Variants in EARS2 observed in about 807,000 individuals in gnomAD.
EARS2 encodes the protein nondiscriminating glutamyl-tRNA synthetase EARS2, mitochondrial.
Under a neutral mutation model 54.1 loss-of-function variants are expected in EARS2, and 50 were observed. That is an observed-to-expected ratio of 0.92 (90% CI 0.74 to 1.17). EARS2 has a LOEUF of 1.17. Among genes scored for constraint, EARS2 ranks in the 50% most tolerant of loss-of-function variants. The pLI, the probability that EARS2 is intolerant of heterozygous loss-of-function variation, is 0.00. For missense variants in EARS2, 673 were observed against 675.0 expected (o/e 1.00, Z 0.03); for synonymous variants, 298 against 281.0 (o/e 1.06, Z -0.61).
At position 23,521,969 on chromosome 16, in the gene EARS2, C is replaced by T. The variant is rs1462512178; in HGVS notation, c.*2402G>A. 8.1e-6 allele frequency: 3 copies of T among 372,562 alleles called. No homozygotes were observed. The highest frequency in any genetic ancestry group is 6.4e-5 in the African/African-American group (3 of 46,992). The allele number at this position is 372,562 out of a possible 1,614,324, so 23.1% of individuals were successfully genotyped here. A position where few individuals can be genotyped will look rare whatever the true frequency, so the allele number is the denominator to read the frequency against. On this transcript the variant is annotated 3_prime_UTR_variant, in exon 9 of 9. Coordinates refer to ENST00000449606, the MANE Select transcript of EARS2 (RefSeq NM_001083614.2). ...GAAGTTTTAGTTAACTTTTCAGAAC[C>T]TCGGTTTCCATATCTGTAACAGAAA...
intron 3 of EARS2, among the ~76,000 whole-genome samples, chr16:23,542,443 G>A (rs1019164896): frequency 7.1e-6 from 1 of 140,280 alleles, no homozygotes; most frequent in South Asian, 2.4e-4. Context: ...TCAGCCTCCC[G>A]AGCAGCTGGG....
intron 1 of EARS2, 200 bp downstream of exon 1, chr16:23,557,005 A>T: frequency 1.2e-6 from 1 of 834,462 alleles, no homozygotes; most frequent in Non-Finnish European, 1.9e-6. Flanking sequence ...TGGCACAAAA[A>T]ACACAAGAAA....
chr16:23,552,276 A>G lies in EARS2; in HGVS notation c.168T>C (p.Thr56=). The part of the protein sequence containing the change: ...TGFLHLGGLR[T]ALYNYIFAKK... ...TAGCAAAGATGTAGTTGTACAAGGCAGTGCGGAGGCCACCCAGGTGCAAGA... is the reference window on the plus strand; with the variant it reads ...TAGCAAAGATGTAGTTGTACAAGGCGGTGCGGAGGCCACCCAGGTGCAAGA... Residue 56 remains threonine, a synonymous_variant, in exon 2 of 9, where the codon ACT becomes ACC. Coordinates refer to ENST00000449606, the MANE Select transcript of EARS2 (RefSeq NM_001083614.2). 6.2e-7 allele frequency: 1 copy of G among 1,614,170 alleles called. No homozygotes were observed. The highest frequency in any genetic ancestry group is 8.5e-7 in the Non-Finnish European group (1 of 1,179,980).
chr16:23,555,892 C>T (rs556811842), intron 1 of EARS2, among the ~76,000 whole-genome samples: 12 of 152,220 alleles, frequency 7.9e-5, no homozygotes, highest in South Asian at 2.1e-4. Context: ...ATTGGCCAGG[C>T]GAAACTTACA....
upstream of EARS2, chr16:23,557,370 T>G (rs1261940868): frequency 6.5e-7 from 1 of 1,536,542 alleles, no homozygotes; most frequent in East Asian, 2.4e-5. Context: ...CACGTGGGCT[T>G]CTCCCTGCGT....
In EARS2 at chr16:23,557,276, C is replaced by A. The variant is rs745393999; in HGVS notation, c.68G>T (p.Gly23Val). The A allele has an allele frequency of 2.0e-6, 3 of 1,521,156 alleles. No homozygotes were observed. Among genetic ancestry groups the A allele is most frequent in the Non-Finnish European group, 1.7e-6 (2 of 1,145,840 alleles). The allele number at this position is 1,521,156 out of a possible 1,614,324, so 94.2% of individuals were successfully genotyped here. A position where few individuals can be genotyped will look rare whatever the true frequency, so the allele number is the denominator to read the frequency against. Reference protein sequence around the residue: ...RPSAASGRPVGRREANLGTDA... With the variant: ...RPSAASGRPVVRREANLGTDA... ...AGTGCCCAGGTTGGCCTCGCGCCGT[C>A]CTACGGGGCGGCCAGAGGCCGCCGA... The change falls in exon 1 of 9, where the codon GGA becomes GTA. Residue 23 changes from glycine to valine, a missense_variant. By Grantham distance (109) the Gly-to-Val change is moderately radical (BLOSUM62 -3). Transcript: ENST00000449606.
chr16:23,531,312 G>A (rs8048755), intron 5 of EARS2, among the ~76,000 whole-genome samples: 124,111 of 151,238 alleles, frequency 0.82, 51,008 homozygotes, highest in Middle Eastern at 0.89. Flanking sequence ...CCAGGCTGGA[G>A]TGCAGTGGAG....
At chr16:23,530,481 CCTCA>C (rs1399129559) in intron 5 of EARS2, among the ~76,000 whole-genome samples, 43 of 152,026 alleles carry the variant, frequency 2.8e-4, no homozygotes, top group Non-Finnish European at 5.7e-4. Flanking sequence ...TGAGACGGAG[CCTCA>C]CTGTGTCACC....
chr16:23,530,189 G>A lies in EARS2; in HGVS notation c.1068-292C>T, dbSNP rs1481402076. Among the ~76,000 whole-genome samples, 5 of 152,094 alleles carry A rather than the reference G, an allele frequency of 3.3e-5. No individual in the cohort carries two copies. The East Asian group carries it at 7.7e-4, about 23-fold the overall frequency. ...TGCCCAGGTTGGAGTGCAGTACCAC[G>A]ATCATGGCTCACTACAGCCTAGACC... is the stretch of plus-strand genomic sequence containing the variant. On this transcript the variant is annotated intron_variant, in intron 5 of 8. Coordinates refer to ENST00000449606, the MANE Select transcript of EARS2 (RefSeq NM_001083614.2).
At chr16:23,547,072 A>G (rs1397022664) in intron 2 of EARS2, among the ~76,000 whole-genome samples, 1 of 152,246 alleles carries the variant, frequency 6.6e-6, no homozygotes, top group Non-Finnish European at 1.5e-5. Context: ...TGGCATGTAA[A>G]TGTTCATAGA....
At chr16:23,548,115 T>C (rs946686178) in intron 2 of EARS2, among the ~76,000 whole-genome samples, 3 of 151,746 alleles carry the variant, frequency 2.0e-5, no homozygotes, top group Non-Finnish European at 1.5e-5. Context: ...ACACTTGTAG[T>C]TCCAGCTACT....
chr16:23,552,434 C>T, intron 1 of EARS2, 130 bp from the exon 2 acceptor site: 1 of 1,039,980 alleles, frequency 9.6e-7, no homozygotes, highest in South Asian at 1.6e-5. Flanking sequence ...TTGGCTCACG[C>T]CTGTAATCCT....
At chr16:23,524,501 A>T (rs201144681) in intron 8 of EARS2, 47 bp from the exon 9 acceptor site, 61 of 1,532,146 alleles carry the variant, frequency 4.0e-5, no homozygotes, top group Non-Finnish European at 5.4e-5. Context: ...TAAACAGCCT[A>T]AAGAACTGAA....
At position 23,557,243 on chromosome 16, in the gene EARS2, C is replaced by G; in HGVS notation, c.101G>C (p.Gly34Ala). The G allele has an allele frequency of 6.6e-7, 1 of 1,520,716 alleles. No individual in the cohort carries two copies. The highest frequency in any genetic ancestry group is 8.7e-7 in the Non-Finnish European group (1 of 1,143,904). 94.2% of individuals were successfully genotyped at this position (1,520,716 alleles called of 1,614,324 possible). Residue 34 changes from glycine (G) to alanine (A), a missense_variant, in exon 1 of 9, where the codon GGG becomes GCG. By Grantham distance (60) the Gly-to-Ala change is moderately conservative. Coordinates refer to ENST00000449606, the MANE Select transcript of EARS2 (RefSeq NM_001083614.2). Reference protein sequence around the residue: ...RREANLGTDAGVAVRVRFAPS... With the variant: ...RREANLGTDAAVAVRVRFAPS... ...AGCGAACCGCACTCGCACCGCAACC[C>G]CGGCATCAGTGCCCAGGTTGGCCTC...
At chr16:23,546,749 A>C (rs1315866214) in intron 2 of EARS2, among the ~76,000 whole-genome samples, 1 of 152,130 alleles carries the variant, frequency 6.6e-6, no homozygotes, top group African/African-American at 2.4e-5. Context: ...TATAGAGACA[A>C]GGTCTGCCTA....
At chr16:23,548,824 T>C (rs1423401101) in intron 2 of EARS2, among the ~76,000 whole-genome samples, 1 of 152,184 alleles carries the variant, frequency 6.6e-6, no homozygotes, top group East Asian at 1.9e-4. Context: ...TTCCGGATGA[T>C]GTTTTAACCA....
chr16:23,543,675 G>C (rs1202463018), intron 3 of EARS2, among the ~76,000 whole-genome samples: 6 of 150,812 alleles, frequency 4.0e-5, no homozygotes, highest in Non-Finnish European at 5.9e-5. Context: ...AGAGGTTGCA[G>C]TGAGCCAAGA....
Position 23,534,911 on chromosome 16 carries a change from G to A in EARS2, c.935C>T (p.Thr312Ile). Residue 312 changes from threonine (T) to isoleucine (I), a missense_variant, in exon 4 of 9, where the codon ACC becomes ATC. This residue lies in a region of EARS2 where 338 missense variants were observed against 361.2 expected (regional missense o/e 0.94). Coordinates refer to ENST00000449606, the MANE Select transcript of EARS2 (RefSeq NM_001083614.2). ...ACCTGCAAAACCTGAGCCACAGTTG[G>A]TGATGATGTCCAACAAGGAATCGGG... ...FLPDSLLDII[T>I]NCGSGFAENQ... 6.3e-7 allele frequency: 1 copy of A among 1,585,506 alleles called. No homozygotes were observed. The highest frequency in any genetic ancestry group is 8.6e-7 in the Non-Finnish European group (1 of 1,162,894).
intron 3 of EARS2, among the ~76,000 whole-genome samples, chr16:23,543,711 C>T (rs9302411): frequency 0.083 from 12,057 of 144,868 alleles, 882 homozygotes; most frequent in African/African-American, 0.19. Flanking sequence ...CCAGCCTGGG[C>T]GACAGAGTGA....
Sources: gnomAD v4.1 joint callset for allele counts (sites outside exome capture counted in the v4.1 genomes callset) on GRCh38, gnomAD v4.1.1 for gene constraint, gnomAD v4.1.1 regional missense constraint, MANE v1.5 for transcripts, NCBI Gene and HGNC (gene_info 2026-07-23, HGNC 2026-07-21) for gene names.